Variants in FBXL13 observed in about 807,000 individuals in gnomAD.
FBXL13 encodes F-box and leucine rich repeat protein 13.
FBXL13 carries 67 observed loss-of-function variants against 83.6 expected under a neutral mutation model. The ratio of observed to expected loss-of-function variants is 0.80; its 90% CI spans 0.66 to 0.98. The LOEUF is 0.98. Ranked by LOEUF, FBXL13 falls within the 50% of genes least tolerant of loss-of-function variation. FBXL13 has a pLI of 0.00. For synonymous variants in FBXL13, 272 were observed against 299.5 expected, an observed-to-expected ratio of 0.91 and a Z score of 0.95; for missense variants, 822 against 866.5, an observed-to-expected ratio of 0.95 and a Z score of 0.64.
At chr7:102,918,020 GACAA>G (rs1416089564) in intron 10 of FBXL13, among the ~76,000 whole-genome samples, 9 of 152,122 alleles carry the variant, frequency 5.9e-5, no homozygotes, top group Non-Finnish European at 1.0e-4. Flanking sequence ...TGTTGCCAAG[GACAA>G]ACAAATTACA....
intron 11 of FBXL13, among the ~76,000 whole-genome samples, chr7:102,893,370 C>T (rs1811772260): frequency 6.6e-6 from 1 of 151,962 alleles, no homozygotes; most frequent in Non-Finnish European, 1.5e-5. Context: ...CCCAGCCTAG[C>T]CATTCTACAG....
chr7:102,855,130 TCTTGCCA>T (rs1460604267), intron 16 of FBXL13, among the ~76,000 whole-genome samples: 2 of 152,218 alleles, frequency 1.3e-5, no homozygotes, highest in Non-Finnish European at 2.9e-5. Context: ...GAGGTTATTA[TCTTGCCA>T]CTTGTTTCCA....
chr7:102,992,704 TAAGC>T (rs1484551331), intron 6 of FBXL13, among the ~76,000 whole-genome samples: 1 of 152,132 alleles, frequency 6.6e-6, no homozygotes, highest in Non-Finnish European at 1.5e-5. Flanking sequence ...TCTCCAGACT[TAAGC>T]AATCCTCCCA....
intron 17 of FBXL13, among the ~76,000 whole-genome samples, chr7:102,845,134 C>T (rs906133019): frequency 1.3e-5 from 2 of 152,130 alleles, no homozygotes; most frequent in African/African-American, 2.4e-5. Flanking sequence ...TTAGCTCAAT[C>T]TCCAGCCCCT....
intron 18 of FBXL13, among the ~76,000 whole-genome samples, chr7:102,822,790 T>C (rs1798983969): frequency 6.6e-6 from 1 of 152,172 alleles, no homozygotes; most frequent in South Asian, 2.1e-4. Flanking sequence ...ATTATGATCT[T>C]AGCAAGGCAC....
chr7:102,902,264 A>AT (rs915597709), intron 11 of FBXL13, among the ~76,000 whole-genome samples: 1 of 152,092 alleles, frequency 6.6e-6, no homozygotes, highest in African/African-American at 2.4e-5. Context: ...TCATTTGCCC[A>AT]TTTTTTGATA....
At chr7:102,813,067 T>G (rs1015178149), downstream of FBXL13, among the ~76,000 whole-genome samples, 1 of 152,124 alleles carries the variant, frequency 6.6e-6, no homozygotes, top group Non-Finnish European at 1.5e-5. Flanking sequence ...GGTCTTGAAC[T>G]CCTGACTTAT....
At chr7:102,887,695 A>C (rs1302379677) in intron 11 of FBXL13, among the ~76,000 whole-genome samples, 3 of 152,198 alleles carry the variant, frequency 2.0e-5, no homozygotes, top group African/African-American at 7.2e-5. Flanking sequence ...CACATTATAG[A>C]GGGGAGTCCA....
chr7:103,072,003 T>A (rs184993562), intron 1 of FBXL13, among the ~76,000 whole-genome samples: 219 of 152,012 alleles, frequency 1.4e-3, no homozygotes, highest in Middle Eastern at 0.014. Flanking sequence ...ACCAACATGG[T>A]GAAACCCTGT....
At chr7:102,845,418 C>T (rs1803759207) in intron 17 of FBXL13, among the ~76,000 whole-genome samples, 1 of 152,052 alleles carries the variant, frequency 6.6e-6, no homozygotes, top group Admixed American at 6.6e-5. Context: ...GGATAAAGAC[C>T]AAGATATATA....
At chr7:102,974,847 C>T (rs1475118289) in intron 6 of FBXL13, among the ~76,000 whole-genome samples, 1 of 152,102 alleles carries the variant, frequency 6.6e-6, no homozygotes, top group Non-Finnish European at 1.5e-5. Flanking sequence ...TTCCCAGTCG[C>T]CATCTTCCCA....
chr7:102,970,351 A>T (rs530174351), intron 6 of FBXL13, among the ~76,000 whole-genome samples: 28 of 150,186 alleles, frequency 1.9e-4, no homozygotes, highest in South Asian at 6.4e-4. Flanking sequence ...TTTTTTTTAA[A>T]AAAATGAATG....
chr7:102,943,238 G>A (rs925053250), intron 8 of FBXL13, among the ~76,000 whole-genome samples: 4 of 151,802 alleles, frequency 2.6e-5, no homozygotes, highest in South Asian at 4.2e-4. Context: ...ATCACCACCC[G>A]GCACATTTTT....
At chr7:102,961,298 AAGG>A (rs1825159630) in intron 8 of FBXL13, among the ~76,000 whole-genome samples, 1 of 144,158 alleles carries the variant, frequency 6.9e-6, no homozygotes, top group Admixed American at 6.9e-5. Flanking sequence ...GGACCTCTTC[AAGG>A]AGAACTACAA....
At chr7:102,885,002 AT>A (rs1283115589) in intron 11 of FBXL13, among the ~76,000 whole-genome samples, 2 of 152,202 alleles carry the variant, frequency 1.3e-5, no homozygotes, top group Non-Finnish European at 2.9e-5. Flanking sequence ...ATAATATCCT[AT>A]TCAATGGAAA....
chr7:102,978,146 C>T (rs915288418), intron 6 of FBXL13, among the ~76,000 whole-genome samples: 1 of 152,116 alleles, frequency 6.6e-6, no homozygotes, highest in East Asian at 1.9e-4. Context: ...GCCAGACAAT[C>T]CAGACAATGC....
At chr7:102,912,973 A>G (rs1288774064) in intron 11 of FBXL13, 113 bp downstream of exon 12, 1 of 1,382,946 alleles carries the variant, frequency 7.2e-7, no homozygotes, top group Non-Finnish European at 9.7e-7. Context: ...AAAACCTCTG[A>G]AAAGTGTGCT....
At chr7:102,907,547 A>C in intron 11 of FBXL13, among the ~76,000 whole-genome samples, 1 of 137,012 alleles carries the variant, frequency 7.3e-6, no homozygotes, top group Admixed American at 8.0e-5. Context: ...TTCAACTCCC[A>C]CCTATGAGGG....
intron 10 of FBXL13, among the ~76,000 whole-genome samples, chr7:102,925,969 C>T (rs1380140037): frequency 6.8e-6 from 1 of 147,876 alleles, no homozygotes; most frequent in African/African-American, 2.5e-5. Context: ...AGGTCCCAGA[C>T]ACCAGACTGG....
Sources: allele counts gnomAD v4.1 joint callset (sites outside exome capture counted in the v4.1 genomes callset), GRCh38; gene constraint gnomAD v4.1.1; transcripts MANE v1.5; gene names NCBI Gene and HGNC (gene_info 2026-07-23, HGNC 2026-07-21).